The following KRIT1 variants were observed in gnomAD, a reference collection of about 807,000 sequenced individuals.
KRIT1 encodes the protein krev interaction trapped protein 1.
A neutral mutation model predicts 95.8 loss-of-function variants in KRIT1; 45 were observed. The observed-to-expected ratio is 0.47, with a 90% CI of 0.37 to 0.60. KRIT1 has a LOEUF of 0.60. Among genes scored for constraint, KRIT1 ranks in the 20% least tolerant of loss-of-function variants. The pLI is 0.00. For missense variants in KRIT1, 788 were observed against 877.5 expected, an observed-to-expected ratio of 0.90 and a Z score of 1.29; for synonymous variants, 282 against 278.8, an observed-to-expected ratio of 1.01 and a Z score of -0.11.
rs764960797 is a variant in KRIT1 at position 92,234,558 on chromosome 7, G to A, written c.880C>T (p.Arg294Ter). ...TCTGAATCTCCTTCACAGGCGCTTCGGTGGAGAGGAAAATCATCTACCCAC... is the reference window on the plus strand; with the variant it reads ...TCTGAATCTCCTTCACAGGCGCTTCAGTGGAGAGGAAAATCATCTACCCAC... ...RQWVDDFPLHRSACEGDSELL... is the reference protein window; with the variant it reads ...RQWVDDFPLH The change falls in exon 10 of 19, where the codon CGA becomes TGA. Residue 294 changes from arginine (R) to a stop codon, truncating the protein, a stop_gained. Coordinates refer to ENST00000394505, the MANE Select transcript of KRIT1 (RefSeq NM_194454.3). LOFTEE classifies it high-confidence loss of function. 4 of 1,612,968 alleles carry A rather than the reference G, an allele frequency of 2.5e-6. No homozygotes were observed. The highest frequency in any genetic ancestry group is 1.7e-5 in the Admixed American group (1 of 60,000).
intron 10 of KRIT1, among the ~76,000 whole-genome samples, chr7:92,233,306 G>T (rs1416146896): frequency 6.6e-6 from 1 of 151,794 alleles, no homozygotes; most frequent in Non-Finnish European, 1.5e-5. Context: ...TTTTATATAT[G>T]GATAAATAAG....
intron 17 of KRIT1, among the ~76,000 whole-genome samples, chr7:92,209,440 G>C (rs1374039540): frequency 6.6e-6 from 1 of 152,116 alleles, no homozygotes; most frequent in Non-Finnish European, 1.5e-5. Context: ...CAGATGACAT[G>C]ATCTTATATA....
intron 10 of KRIT1, among the ~76,000 whole-genome samples, chr7:92,230,736 T>C (rs559936413): frequency 2.0e-4 from 31 of 152,286 alleles, no homozygotes; most frequent in African/African-American, 6.7e-4. Flanking sequence ...TTTATGTGTA[T>C]ACCCTATGAT....
At chr7:92,245,988 G>A (rs2131848406), upstream of KRIT1, 2 of 234,296 alleles carry the variant, frequency 8.5e-6, no homozygotes, top group East Asian at 1.8e-4. Context: ...CGGCGGCCGG[G>A]CTGCTGCCGT....
At chr7:92,233,409 C>CT (rs35291071) in intron 10 of KRIT1, among the ~76,000 whole-genome samples, 48,884 of 140,086 alleles carry the variant, frequency 0.35, 8,742 homozygotes, top group Non-Finnish European at 0.39. Context: ...TAATGTGGTA[C>CT]TTTTTTTTTT....
chr7:92,225,029 C>A (rs915300203), intron 12 of KRIT1, among the ~76,000 whole-genome samples: 3 of 151,868 alleles, frequency 2.0e-5, no homozygotes, highest in Non-Finnish European at 2.9e-5. Context: ...TGGTGGCAGG[C>A]GCACGTAATC....
chr7:92,202,876 G>A lies in KRIT1; in HGVS notation c.2026-1453C>T, dbSNP rs1297260021. ...TAAAATATAACCTTATACATAGGAG[G>A]ATATACTAAAATAGCTACTTATCAA... On this transcript the variant is annotated intron_variant, in intron 17 of 18. Transcript: ENST00000394505. Among the ~76,000 whole-genome samples the A allele has an allele frequency of 2.0e-5, 3 of 152,116 alleles. No individual in the cohort carries two copies. The East Asian group carries it at 5.8e-4, about 29-fold the overall frequency.
rs1033055196 is a variant in KRIT1, at chr7:92,235,942, A to C, written c.486-296T>G. On this transcript the variant is annotated intron_variant, in intron 7 of 18. Coordinates refer to ENST00000394505, the MANE Select transcript of KRIT1 (RefSeq NM_194454.3). Reference sequence around the variant, plus strand: ...TACAAATACTTCATTTATTAATAAAAGTTTTGTTAATGGATACAGCAAATA... The same window carrying C: ...TACAAATACTTCATTTATTAATAAACGTTTTGTTAATGGATACAGCAAATA... 16 of 271,736 alleles carry C rather than the reference A, an allele frequency of 5.9e-5. No individual in the cohort carries two copies. In the Admixed American group the frequency reaches 6.4e-4, roughly 11 times the overall value. The allele number at this position is 271,736 out of a possible 1,614,324, so 16.8% of individuals were successfully genotyped here.
intron 17 of KRIT1, 146 bp from the exon 18 acceptor site, chr7:92,201,569 G>A (rs1476303597): frequency 2.7e-5 from 17 of 633,504 alleles, no homozygotes; most frequent in Non-Finnish European, 4.3e-5. Context: ...AAGTTCTGGG[G>A]TACACGTGCA....
chr7:92,224,855 T>C (rs1795891254), intron 12 of KRIT1, among the ~76,000 whole-genome samples: 1 of 152,168 alleles, frequency 6.6e-6, no homozygotes, highest in Admixed American at 6.5e-5. Flanking sequence ...TGACAATGAA[T>C]AGATTAAAAT....
At chr7:92,211,654 TAA>T (rs1412013091) in intron 17 of KRIT1, among the ~76,000 whole-genome samples, 1 of 152,156 alleles carries the variant, frequency 6.6e-6, no homozygotes, top group East Asian at 1.9e-4. Flanking sequence ...AGCTAAGAGA[TAA>T]GTTGAAATGT....
chr7:92,222,127 A>C, intron 13 of KRIT1, 74 bp from the exon 14 acceptor site: 1 of 1,145,128 alleles, frequency 8.7e-7, no homozygotes, highest in Non-Finnish European at 1.3e-6. Flanking sequence ...ACTTTGTATT[A>C]AACTGTCTGC....
chr7:92,203,908 A>G (rs762792374), intron 17 of KRIT1: 56 of 152,494 alleles, frequency 3.7e-4, no homozygotes, highest in Admixed American at 1.8e-3. Context: ...GCTAATAAAC[A>G]GCAGCCTATT....
chr7:92,239,253 G>A (rs1006507233), intron 5 of KRIT1, among the ~76,000 whole-genome samples: 45 of 152,172 alleles, frequency 3.0e-4, no homozygotes, highest in African/African-American at 9.9e-4. Context: ...TGGACCAGGG[G>A]AAGTTTTTTG....
chr7:92,228,830 G>A (rs991466813), intron 10 of KRIT1, among the ~76,000 whole-genome samples: 3 of 152,052 alleles, frequency 2.0e-5, no homozygotes, highest in African/African-American at 7.2e-5. Context: ...CGTATAAGTG[G>A]GAACACGTGG....
At position 92,221,908 on chromosome 7, in the gene KRIT1, T is replaced by C. The variant is rs1220167731; in HGVS notation, c.1557A>G (p.Glu519=). The stretch of plus-strand genomic sequence containing the variant: ...ATAAGATTTCCAAGCAAACCTGTTT[T>C]TCAACTTCCAAGGGAAGTCTCACAT... The part of the protein sequence containing the change: ...RRDVRLPLEV[E]KQIEDPLAIL... Residue 519 remains glutamate (E), a synonymous_variant, in exon 14 of 19, where the codon GAA becomes GAG. Coordinates refer to ENST00000394505, the MANE Select transcript of KRIT1 (RefSeq NM_194454.3). The C allele has an allele frequency of 6.2e-7, 1 of 1,613,528 alleles. No homozygotes were observed. The highest frequency in any genetic ancestry group is 1.3e-5 in the African/African-American group (1 of 74,932).
At chr7:92,242,309 G>T in intron 3 of KRIT1, 172 bp from the exon 4 acceptor site, 1 of 591,680 alleles carries the variant, frequency 1.7e-6, no homozygotes, top group Non-Finnish European at 3.0e-6. Flanking sequence ...TGCCTAAAAG[G>T]CAAGCCAGGA....
chr7:92,201,154 T>C (rs1210670766), intron 18 of KRIT1, among the ~76,000 whole-genome samples, 153 bp downstream of exon 18: 1 of 152,228 alleles, frequency 6.6e-6, no homozygotes, highest in African/African-American at 2.4e-5. Context: ...TTTCCTTGCT[T>C]AGAAGGCCTG....
chr7:92,241,286 T>C, intron 4 of KRIT1, 134 bp from the exon 5 acceptor site: 1 of 706,254 alleles, frequency 1.4e-6, no homozygotes, highest in South Asian at 1.7e-5. Context: ...ACAATAGCAA[T>C]GCCCAGCCCC....
Sources: allele counts gnomAD v4.1 joint callset (sites outside exome capture counted in the v4.1 genomes callset), GRCh38; gene constraint gnomAD v4.1.1; transcripts MANE v1.5; gene names NCBI Gene and HGNC (gene_info 2026-07-23, HGNC 2026-07-21).